Variants in DST observed in about 807,000 individuals in gnomAD.
The protein encoded by DST is bullous pemphigoid antigen.
In DST, 253 loss-of-function variants were observed where a neutral mutation model predicts 875.2. The observed-to-expected ratio is 0.29, with a 90% CI of 0.26 to 0.32. DST has a LOEUF of 0.32. Ranked by LOEUF, DST falls within the 10% of genes least tolerant of loss-of-function variation. DST has a pLI of 1.00. For synonymous variants in DST, 3,124 were observed against 3,197.1 expected, an observed-to-expected ratio of 0.98 and a Z score of 0.77; for missense variants, 8,287 against 9,111.6, an observed-to-expected ratio of 0.91 and a Z score of 3.68.
chr6:56,567,966 T>A (rs2097710516), intron 55 of DST, among the ~76,000 whole-genome samples: 1 of 152,140 alleles, frequency 6.6e-6, no homozygotes, highest in South Asian at 2.1e-4. Context: ...ATATGCCGGC[T>A]CACATACTGC....
At chr6:56,844,828 C>T (rs575880417) in intron 4 of DST, among the ~76,000 whole-genome samples, 13 of 149,978 alleles carry the variant, frequency 8.7e-5, no homozygotes, top group African/African-American at 2.7e-4. Context: ...GCCGAGATCA[C>T]GCCACCGTAT....
chr6:56,759,734 T>C (rs1211993423), intron 4 of DST, among the ~76,000 whole-genome samples: 1 of 152,186 alleles, frequency 6.6e-6, no homozygotes, highest in Non-Finnish European at 1.5e-5. Flanking sequence ...GCCAAGGAAC[T>C]GCAGCCTGAA....
chr6:56,488,977 T>C (rs1262229388), intron 86 of DST, among the ~76,000 whole-genome samples: 2 of 152,176 alleles, frequency 1.3e-5, no homozygotes, highest in African/African-American at 4.8e-5. Context: ...TTGGGTACCT[T>C]TGAGGTTGGG....
At chr6:56,910,204 T>C (rs116238125) in intron 2 of DST, among the ~76,000 whole-genome samples, 1 of 152,352 alleles carries the variant, frequency 6.6e-6, no homozygotes, top group African/African-American at 2.4e-5. Context: ...TCTCGCTCAG[T>C]TGCCCAGGCT....
At chr6:56,516,088 GTA>G (rs751612868) in intron 71 of DST, among the ~76,000 whole-genome samples, 1 of 150,330 alleles carries the variant, frequency 6.7e-6, no homozygotes, top group Non-Finnish European at 1.5e-5. Flanking sequence ...GTGTATATGT[GTA>G]TATATATGTG....
chr6:56,510,086 T>C (rs1279902284), intron 73 of DST, among the ~76,000 whole-genome samples: 1 of 152,196 alleles, frequency 6.6e-6, no homozygotes, highest in African/African-American at 2.4e-5. Context: ...ACACTACCTA[T>C]GTACAATAGA....
At chr6:56,737,920 A>C (rs1035007197) in intron 4 of DST, among the ~76,000 whole-genome samples, 2 of 152,232 alleles carry the variant, frequency 1.3e-5, no homozygotes, top group African/African-American at 4.8e-5. Flanking sequence ...GAAAAAACAC[A>C]AATGTTCGAG....
intron 4 of DST, chr6:56,742,420 T>G: frequency 8.3e-7 from 1 of 1,209,560 alleles, no homozygotes; most frequent in Admixed American, 2.3e-5. Context: ...TAACTTTCTA[T>G]GTAGAAAAGA....
intron 2 of DST, among the ~76,000 whole-genome samples, chr6:56,951,990 T>C (rs1472600846): frequency 6.6e-6 from 1 of 152,084 alleles, no homozygotes; most frequent in African/African-American, 2.4e-5. Flanking sequence ...CATTCATTCA[T>C]TCAATAAATA....
intron 4 of DST, among the ~76,000 whole-genome samples, chr6:56,842,493 A>T (rs1171088503): frequency 1.3e-5 from 2 of 152,228 alleles, no homozygotes; most frequent in African/African-American, 2.4e-5. Flanking sequence ...AAAATCTCAA[A>T]ATACATTCTT....
intron 78 of DST, among the ~76,000 whole-genome samples, chr6:56,503,627 A>ACACACACACCCC (rs1478684126): frequency 6.7e-6 from 1 of 149,434 alleles, no homozygotes; most frequent in East Asian, 2.0e-4. Context: ...ACACACACAC[A>ACACACACACCCC]CCCCATGTCC....
At chr6:56,566,914 G>T (rs185823565) in intron 55 of DST, among the ~76,000 whole-genome samples, 1 of 152,086 alleles carries the variant, frequency 6.6e-6, no homozygotes, top group Non-Finnish European at 1.5e-5. Flanking sequence ...CTCATATTAC[G>T]TCAACACTAA....
At chr6:56,777,207 A>G (rs922338985) in intron 4 of DST, among the ~76,000 whole-genome samples, 2 of 152,152 alleles carry the variant, frequency 1.3e-5, no homozygotes, top group African/African-American at 4.8e-5. Flanking sequence ...AGGCAATCCA[A>G]CAAATAGGAA....
At chr6:56,617,223 C>T in intron 36 of DST, 1 of 1,601,252 alleles carries the variant, frequency 6.2e-7, no homozygotes, top group Non-Finnish European at 8.5e-7. Context: ...TCATCCCTGA[C>T]TGAACATGCA....
intron 58 of DST, among the ~76,000 whole-genome samples, chr6:56,558,000 C>T (rs890233937): frequency 6.6e-6 from 1 of 152,078 alleles, no homozygotes; most frequent in African/African-American, 2.4e-5. Flanking sequence ...GAAGTCTCAC[C>T]AATTAAACTC....
intron 93 of DST, among the ~76,000 whole-genome samples, chr6:56,472,692 C>A (rs2094955573): frequency 6.6e-6 from 1 of 152,182 alleles, no homozygotes; most frequent in Admixed American, 6.5e-5. Flanking sequence ...AGAGTCAAAG[C>A]AAGACACTTC....
chr6:56,561,556 G>T lies in DST; in HGVS notation c.14069-7C>A. The T allele has an allele frequency of 6.2e-7, 1 of 1,606,138 alleles. No homozygotes were observed. The highest frequency in any genetic ancestry group is 8.5e-7 in the Non-Finnish European group (1 of 1,176,204). On this transcript the variant is annotated splice_polypyrimidine_tract_variant and splice_region_variant and intron_variant, in intron 56 of 103. Coordinates refer to ENST00000680361, the MANE Select transcript of DST (RefSeq NM_001374736.1). ...TTTTTAATGGATGTTAAACCTAGGA[G>T]TAAGAAAAACAACTATACTGACACA...
intron 2 of DST, among the ~76,000 whole-genome samples, chr6:56,947,540 G>A (rs907081471): frequency 6.6e-6 from 1 of 152,144 alleles, no homozygotes; most frequent in Non-Finnish European, 1.5e-5. Flanking sequence ...GAGCCACCAC[G>A]CCCAGCCTGC....
Position 56,535,228 on chromosome 6 carries a change from A to C in DST, c.16835T>G (p.Leu5612Arg). The C allele has an allele frequency of 6.2e-7, 1 of 1,613,222 alleles. No homozygotes were observed. Among genetic ancestry groups the C allele is most frequent in the Non-Finnish European group, 8.5e-7 (1 of 1,179,604 alleles). Residue 5612 changes from leucine (L) to arginine (R), a missense_variant, in exon 63 of 104, where the codon CTG becomes CGG. Around this residue, in one of 10 missense-constraint regions of DST, gnomAD observed 777 missense variants for 764.8 expected, o/e 1.02. Transcript: ENST00000680361. ...CACCATCCAGCTGAGCAGGGACTCCAGGGCATCCTGGAACCTCCCACAGTG... is the reference window on the plus strand; with the variant it reads ...CACCATCCAGCTGAGCAGGGACTCCCGGGCATCCTGGAACCTCCCACAGTG... ...LLHCGRFQDA[L>R]ESLLSWMVDT... is the part of the protein sequence containing the mutation.
Sources: gnomAD v4.1 joint callset for allele counts (sites outside exome capture counted in the v4.1 genomes callset) on GRCh38, gnomAD v4.1.1 for gene constraint, gnomAD v4.1.1 regional missense constraint, MANE v1.5 for transcripts, NCBI Gene and HGNC (gene_info 2026-07-23, HGNC 2026-07-21) for gene names.